The following KLHL31 variants were observed in gnomAD, a reference collection of about 807,000 sequenced individuals.
The protein encoded by KLHL31 is kelch like family member 31, also known as kelch-like protein 31.
Under a neutral mutation model 47.1 loss-of-function variants are expected in KLHL31, and 32 were observed. That is an observed-to-expected ratio of 0.68 (90% confidence interval 0.51 to 0.91). The LOEUF (loss-of-function observed/expected upper bound fraction) is 0.91, where lower values mean the gene tolerates loss of function less well. KLHL31 is among the 40% of genes least tolerant of loss of function. The probability of loss-of-function intolerance (pLI) is 0.00; values close to 1 mark genes in which losing one functional copy is unlikely to be tolerated. For synonymous variants in KLHL31, 330 were observed against 325.1 expected, an observed-to-expected ratio of 1.01 and a Z score of -0.16; for missense variants, 797 against 819.3, an observed-to-expected ratio of 0.97 and a Z score of 0.33.
rs1343009486 is a variant in KLHL31, at chr6:53,655,190, T to A, written c.83A>T (p.Asn28Ile). 4 of 1,613,454 alleles carry A rather than the reference T, an allele frequency of 2.5e-6. No homozygotes were observed. Among genetic ancestry groups the A allele is most frequent in the Non-Finnish European group, 3.4e-6 (4 of 1,179,798 alleles). Reference sequence around the variant, plus strand: ...GAGCCCATTCAAAGCATTCAGTTTGTTTAGGGGGCTATCTTCTACGATTAT... The same window carrying A: ...GAGCCCATTCAAAGCATTCAGTTTGATTAGGGGGCTATCTTCTACGATTAT... The part of the protein sequence containing the change: ...MTIIVEDSPL[N>I]KLNALNGLLE... Residue 28 changes from asparagine (N) to isoleucine (I), a missense_variant, in exon 2 of 3, where the codon AAC (asparagine) becomes ATC (isoleucine). Physicochemically the swap from Asn to Ile is moderately radical, Grantham distance 149. Transcript: ENST00000370905.
intron 1 of KLHL31, among the ~76,000 whole-genome samples, chr6:53,665,135 T>A (rs1764700915): frequency 6.6e-6 from 1 of 152,126 alleles, no homozygotes; most frequent in Non-Finnish European, 1.5e-5. Context: ...GTGCTACAGA[T>A]TTAGTTAAAA....
In KLHL31 at chr6:53,654,404, T is replaced by C; in HGVS notation, c.869A>G (p.Asp290Gly). The change falls in exon 2 of 3, where the codon GAT (aspartate) becomes GGT (glycine). Residue 290 changes from aspartate (D) to glycine (G), a missense_variant. By Grantham distance (94) the Asp-to-Gly change is moderately conservative. Coordinates refer to ENST00000370905, the MANE Select transcript of KLHL31 (RefSeq NM_001003760.5). Reference sequence around the variant, plus strand: ...TGGAAGCAAGTGGTAGTTCATAGCATCTACGAGAAGTCTGTGACAATCAGC... The same window carrying C: ...TGGAAGCAAGTGGTAGTTCATAGCACCTACGAGAAGTCTGTGACAATCAGC... ...QDADCHRLLV[D>G]AMNYHLLPYH... 6.2e-7 allele frequency: 1 copy of C among 1,614,230 alleles called. No individual in the cohort carries two copies. The highest frequency in any genetic ancestry group is 8.5e-7 in the Non-Finnish European group (1 of 1,180,046).
At chr6:53,661,585 G>A (rs1051958276) in intron 1 of KLHL31, among the ~76,000 whole-genome samples, 1 of 152,168 alleles carries the variant, frequency 6.6e-6, no homozygotes, top group Non-Finnish European at 1.5e-5. Context: ...TACTAATTTG[G>A]TCATAGTGCT....
rs1287638830 is a variant in KLHL31 at position 53,651,907 on chromosome 6, C to T, written c.1596G>A (p.Val532=). The T allele has an allele frequency of 3.1e-6, 5 of 1,590,988 alleles. No homozygotes were observed. In the Admixed American group the frequency reaches 8.5e-5, roughly 27 times the overall value. The change falls in exon 3 of 3, where the codon GTG becomes GTA. Residue 532 remains valine, a synonymous_variant. Coordinates refer to ENST00000370905, the MANE Select transcript of KLHL31 (RefSeq NM_001003760.5). ...CGGGGCTGTAGCACTCCACGGTGAGCACGTCCACGCGCTCCCCGCGCGGCC... is the reference window on the plus strand; with the variant it reads ...CGGGGCTGTAGCACTCCACGGTGAGTACGTCCACGCGCTCCCCGCGCGGCC... The part of the protein sequence containing the change: ...QLGPRGERVD[V]LTVECYSPAT...
rs149030044 is a variant in KLHL31, at chr6:53,651,306, G to T, written c.*292C>A. ...CCGCTATACATTTAGGAAACATGCC[G>T]CCTTGGGAGAGTGCCTATAACGAAT... On this transcript the variant is annotated 3_prime_UTR_variant, in exon 3 of 3. Transcript: ENST00000370905. 3.6e-6 allele frequency: 1 copy of T among 275,368 alleles called. No individual in the cohort carries two copies. Among genetic ancestry groups the T allele is most frequent in the African/African-American group, 2.2e-5 (1 of 44,526 alleles). 17.1% of individuals were successfully genotyped at this position (275,368 alleles called of 1,614,324 possible).
chr6:53,656,730 A>G (rs1379930046), intron 1 of KLHL31, among the ~76,000 whole-genome samples: 1 of 152,138 alleles, frequency 6.6e-6, no homozygotes, highest in Non-Finnish European at 1.5e-5. Flanking sequence ...ACAAACTTAT[A>G]TAAGACCAGA....
Position 53,662,406 on chromosome 6 carries a change from T to G in KLHL31, c.-34+3195A>C, listed in dbSNP as rs920780783. The stretch of plus-strand genomic sequence containing the variant: ...GGTTTAGCCAGAGCAGCTGAGGTTG[T>G]GTAATGGGATGAACAGCTATTTGGA... On this transcript the variant is annotated intron_variant, in intron 1 of 2. Transcript: ENST00000370905. Among the ~76,000 whole-genome samples the G allele has an allele frequency of 9.8e-5, 15 of 152,338 alleles. No individual in the cohort carries two copies. The East Asian group carries it at 2.7e-3, about 27-fold the overall frequency.
At position 53,648,424 on chromosome 6, in the gene KLHL31, T is replaced by C. The variant is rs577078373; in HGVS notation, c.*3174A>G. 1 of 152,202 alleles carries C rather than the reference T, an allele frequency of 6.6e-6. No individual in the cohort carries two copies. The highest frequency in any genetic ancestry group is 1.5e-5 in the Non-Finnish European group (1 of 68,026). The allele number at this position is 152,202 out of a possible 1,614,324, so 9.4% of individuals were successfully genotyped here. A position where few individuals can be genotyped will look rare whatever the true frequency, so the allele number is the denominator to read the frequency against. On this transcript the variant is annotated 3_prime_UTR_variant, in exon 3 of 3. Transcript: ENST00000370905. ...TTCGTCTCGTAACTTGGATGAGTTCTGAAGACACTTGGCCAGGATAACCAG... is the reference window on the plus strand; with the variant it reads ...TTCGTCTCGTAACTTGGATGAGTTCCGAAGACACTTGGCCAGGATAACCAG...
chr6:53,653,652 T>G (rs1430641447), intron 2 of KLHL31, among the ~76,000 whole-genome samples: 1 of 152,236 alleles, frequency 6.6e-6, no homozygotes, highest in African/African-American at 2.4e-5. Context: ...CAATTATGAA[T>G]TTGACAGTTG....
Position 53,655,253 on chromosome 6 carries a change from AT to A in KLHL31, c.19del (p.Ile7LeufsTer12). The A allele has an allele frequency of 6.4e-7, 1 of 1,568,994 alleles. No individual in the cohort carries two copies. Among genetic ancestry groups the A allele is most frequent in the African/African-American group, 1.4e-5 (1 of 72,952 alleles). On this transcript the variant is annotated frameshift_variant, in exon 2 of 3. Coordinates refer to ENST00000370905, the MANE Select transcript of KLHL31 (RefSeq NM_001003760.5). LOFTEE classifies it high-confidence loss of function. The part of the protein sequence containing the change: MAPKKK[I>X]VKKNKGDINE... ...GATATCTCCTTTGTTCTTTTTGACAATCTTCTTTTTGGGTGCCATGTTGGCA... is the reference window on the plus strand; with the variant it reads ...GATATCTCCTTTGTTCTTTTTGACAACTTCTTTTTGGGTGCCATGTTGGCA...
chr6:53,651,421 A>AAAAAAAAAAAAAAT lies in KLHL31; in HGVS notation c.*176_*177insATTTTTTTTTTTTT. On this transcript the variant is annotated 3_prime_UTR_variant, in exon 3 of 3. Transcript: ENST00000370905. Reference sequence around the variant, plus strand: ...TGCTAAAAAAAAAAAAAAAAAAAAGAGGTAGATTATGCCATACCAGGAATT... The same window carrying AAAAAAAAAAAAAAT: ...TGCTAAAAAAAAAAAAAAAAAAAAGAAAAAAAAAAAAAATGGTAGATTATGCCATACCAGGAATT... The AAAAAAAAAAAAAAT allele has an allele frequency of 2.7e-6, 1 of 364,528 alleles. No individual in the cohort carries two copies. The highest frequency in any genetic ancestry group is 4.9e-6 in the Non-Finnish European group (1 of 202,102). 22.6% of individuals were successfully genotyped at this position (364,528 alleles called of 1,614,324 possible). A position where few individuals can be genotyped will look rare whatever the true frequency, so the allele number is the denominator to read the frequency against.
At position 53,655,008 on chromosome 6, in the gene KLHL31, A is replaced by G. The variant is rs1353489281; in HGVS notation, c.265T>C (p.Ser89Pro). ...TKTKSFDVHK[S>P]VMASCSEYFY... ...TACTCACTGCATGAAGCCATGACTG[A>G]CTTATGAACATCAAAGGATTTGGTT... Residue 89 changes from serine to proline, a missense_variant, in exon 2 of 3, where the codon TCA becomes CCA. Transcript: ENST00000370905. The G allele has an allele frequency of 8.1e-6, 13 of 1,614,158 alleles. No homozygotes were observed. Among genetic ancestry groups the G allele is most frequent in the Non-Finnish European group, 1.0e-5 (12 of 1,180,018 alleles).
rs766349496 is a variant in KLHL31 at position 53,652,232 on chromosome 6, G to C, written c.1271C>G (p.Ala424Gly). The C allele has an allele frequency of 4.0e-5, 65 of 1,613,822 alleles. No individual in the cohort carries two copies. In the Middle Eastern group the frequency reaches 4.9e-4, roughly 12 times the overall value. Residue 424 changes from alanine to glycine, a missense_variant, in exon 3 of 3, where the codon GCG becomes GGG. Ala to Gly is a moderately conservative substitution (Grantham distance 60). Coordinates refer to ENST00000370905, the MANE Select transcript of KLHL31 (RefSeq NM_001003760.5). ...LSVFNGLVYA[A>G]GGRNAEGSLA... ...GCTTCCTTCTGCGTTGCGGCCGCCC[G>C]CGGCGTACACGAGCCCGTTGAACAC... is the stretch of plus-strand genomic sequence containing the variant.
In KLHL31 at chr6:53,654,942, C is replaced by G. The variant is rs141075656; in HGVS notation, c.331G>C (p.Val111Leu). ...ILKKDPSIQR[V>L]DLNDISPLGL... ...AGTGGTGAGATATCATTGAGATCCA[C>G]CCTCTGAATTGACGGGTCTTTTTTT... Residue 111 changes from valine (V) to leucine (L), a missense_variant, in exon 2 of 3, where the codon GTG (valine) becomes CTG (leucine). By Grantham distance (32) the Val-to-Leu change is conservative (BLOSUM62 1). Transcript: ENST00000370905. 6.2e-7 allele frequency: 1 copy of G among 1,614,066 alleles called. No individual in the cohort carries two copies. The highest frequency in any genetic ancestry group is 1.3e-5 in the African/African-American group (1 of 74,930).
At chr6:53,659,888 G>A (rs1456784675) in intron 1 of KLHL31, among the ~76,000 whole-genome samples, 1 of 152,098 alleles carries the variant, frequency 6.6e-6, no homozygotes, top group Non-Finnish European at 1.5e-5. Flanking sequence ...CCTATTGATG[G>A]CTTCTCTTTC....
Position 53,652,138 on chromosome 6 carries a change from C to T in KLHL31, c.1365G>A (p.Ala455=). The change falls in exon 3 of 3, where the codon GCG becomes GCA. Residue 455 remains alanine (A), a synonymous_variant. Transcript: ENST00000370905. Reference sequence around the variant, plus strand: ...CGACCGCGCTAGCGTGGCAGCAGCGCGCCACCTCCAGGGGCGTCTTCGGCT... The same window carrying T: ...CGACCGCGCTAGCGTGGCAGCAGCGTGCCACCTCCAGGGGCGTCTTCGGCT... ...QWQPKTPLEV[A]RCCHASAVAD... 1 of 1,602,748 alleles carries T rather than the reference C, an allele frequency of 6.2e-7. No homozygotes were observed. The highest frequency in any genetic ancestry group is 8.5e-7 in the Non-Finnish European group (1 of 1,178,376).
intron 1 of KLHL31, among the ~76,000 whole-genome samples, chr6:53,658,431 G>C (rs1764601952): frequency 6.6e-6 from 1 of 152,062 alleles, no homozygotes; most frequent in Non-Finnish European, 1.5e-5. Flanking sequence ...AGCATGTAAG[G>C]GTGATATTTA....
In KLHL31 at chr6:53,648,039, G is replaced by T. The variant is rs942256853; in HGVS notation, c.*3559C>A. On this transcript the variant is annotated 3_prime_UTR_variant, in exon 3 of 3. Coordinates refer to ENST00000370905, the MANE Select transcript of KLHL31 (RefSeq NM_001003760.5). The stretch of plus-strand genomic sequence containing the variant: ...TTTAAGCAAAGAAAGAAATTTTTTT[G>T]CCAAAATTTGCTGAATAAATAAAAA... The T allele has an allele frequency of 1.3e-5, 2 of 152,356 alleles. No individual in the cohort carries two copies. Among genetic ancestry groups the T allele is most frequent in the African/African-American group, 4.8e-5 (2 of 41,356 alleles). 9.4% of individuals were successfully genotyped at this position (152,356 alleles called of 1,614,324 possible). A position where few individuals can be genotyped will look rare whatever the true frequency, so the allele number is the denominator to read the frequency against.
chr6:53,654,723 G>A lies in KLHL31; in HGVS notation c.550C>T (p.Leu184=). 1 of 1,614,154 alleles carries A rather than the reference G, an allele frequency of 6.2e-7. No homozygotes were observed. The highest frequency in any genetic ancestry group is 8.5e-7 in the Non-Finnish European group (1 of 1,180,044). ...YVVNIAETYS[L]KNAKAAAQKF... is the part of the protein sequence containing the mutation. ...TGGGCTGCTGCTTTTGCATTTTTTA[G>A]GGAGTATGTTTCAGCAATATTAACA... The change falls in exon 2 of 3, where the codon CTA becomes TTA. Residue 184 remains leucine, a synonymous_variant. Coordinates refer to ENST00000370905, the MANE Select transcript of KLHL31 (RefSeq NM_001003760.5).
Sources: gnomAD v4.1 joint callset for allele counts (sites outside exome capture counted in the v4.1 genomes callset) on GRCh38, gnomAD v4.1.1 for gene constraint, MANE v1.5 for transcripts, NCBI Gene and HGNC (gene_info 2026-07-23, HGNC 2026-07-21) for gene names.